SDK1: variants seen among roughly 807,000 people sequenced by gnomAD.
The protein encoded by SDK1 is sidekick cell adhesion molecule 1.
Under a neutral mutation model 245.5 loss-of-function variants are expected in SDK1, and 157 were observed. That is an observed-to-expected ratio of 0.64 (90% CI 0.56 to 0.73). The LOEUF is 0.73. Among genes scored for constraint, SDK1 ranks in the 30% least tolerant of loss-of-function variants. The pLI, the probability that SDK1 is intolerant of heterozygous loss-of-function variation, is 0.00. For missense variants in SDK1, 3,583 were observed against 3,002.3 expected (o/e 1.19, Z -4.52); for synonymous variants, 1,647 against 1,278.5 (o/e 1.29, Z -6.15).
chr7:3,341,535 T>A (rs1481374730), intron 1 of SDK1, among the ~76,000 whole-genome samples: 2 of 152,176 alleles, frequency 1.3e-5, no homozygotes, highest in African/African-American at 4.8e-5. Context: ...AGTCCCAGTT[T>A]ACGGATTACA....
rs142611741 is a variant in SDK1 at position 3,575,648 on chromosome 7, C to T, written c.299-43432C>T. Among the ~76,000 whole-genome samples, 60 of 152,028 alleles carry T rather than the reference C, an allele frequency of 3.9e-4. 1 individual carries two copies. The highest frequency in any genetic ancestry group is 1.2e-3 in the African/African-American group (48 of 41,536). ...AATTTCATTAAGAACTTCAAAGGGA[C>T]TGTCTTCATAAAGGCAATAGATGTG... On this transcript the variant is annotated intron_variant, in intron 1 of 44. Coordinates refer to ENST00000404826, the MANE Select transcript of SDK1 (RefSeq NM_152744.4).
chr7:3,325,487 T>C (rs1779918933), intron 1 of SDK1, among the ~76,000 whole-genome samples: 2 of 152,246 alleles, frequency 1.3e-5, no homozygotes, highest in South Asian at 4.2e-4. Context: ...AGCGTGGCAC[T>C]TAAGATTCTT....
intron 5 of SDK1, among the ~76,000 whole-genome samples, chr7:3,851,880 T>C (rs1280445264): frequency 6.6e-6 from 1 of 152,224 alleles, no homozygotes; most frequent in African/African-American, 2.4e-5. Context: ...AATAAAATGG[T>C]ATATTCTCAT....
chr7:3,799,639 G>C (rs1024127008), intron 4 of SDK1, among the ~76,000 whole-genome samples: 2 of 149,856 alleles, frequency 1.3e-5, no homozygotes, highest in Admixed American at 6.7e-5. Flanking sequence ...TGGGAGGCGG[G>C]GTTTGCAGTG....
At chr7:3,614,741 A>C (rs1436760270) in intron 1 of SDK1, among the ~76,000 whole-genome samples, 9 of 152,198 alleles carry the variant, frequency 5.9e-5, no homozygotes, top group Admixed American at 3.3e-4. Flanking sequence ...ATCTATGTCA[A>C]AATACGTGTC....
chr7:4,155,616 C>T (rs889797284), intron 30 of SDK1, among the ~76,000 whole-genome samples: 2 of 152,180 alleles, frequency 1.3e-5, no homozygotes, highest in Admixed American at 6.5e-5. Context: ...TAAGCATAAT[C>T]GCAAATAAAT....
chr7:3,925,237 C>T (rs888170847), intron 5 of SDK1, among the ~76,000 whole-genome samples: 2 of 151,070 alleles, frequency 1.3e-5, no homozygotes, highest in Non-Finnish European at 3.0e-5. Flanking sequence ...GGAAGAAACA[C>T]AGAGCACATC....
At chr7:4,179,552 A>G (rs1019556995) in intron 35 of SDK1, among the ~76,000 whole-genome samples, 2 of 152,102 alleles carry the variant, frequency 1.3e-5, no homozygotes, top group African/African-American at 4.8e-5. Flanking sequence ...CGGTATTTGC[A>G]TACAAATGAG....
chr7:3,894,817 C>T (rs955872805), intron 5 of SDK1, among the ~76,000 whole-genome samples: 1 of 151,562 alleles, frequency 6.6e-6, no homozygotes, highest in African/African-American at 2.4e-5. Context: ...GTACTTCAGC[C>T]TCCCGAGTAG....
At chr7:3,481,071 T>C (rs1245890013) in intron 1 of SDK1, among the ~76,000 whole-genome samples, 16 of 152,270 alleles carry the variant, frequency 1.1e-4, no homozygotes, top group Admixed American at 1.0e-3. Flanking sequence ...TTATACTTAC[T>C]ATGATTACTA....
chr7:3,713,247 A>G (rs1371440610), intron 4 of SDK1, among the ~76,000 whole-genome samples: 7 of 152,236 alleles, frequency 4.6e-5, no homozygotes, highest in African/African-American at 1.7e-4. Context: ...TAAGAAGGAT[A>G]ATGATCTTTC....
At chr7:3,890,043 A>T (rs558350993) in intron 5 of SDK1, among the ~76,000 whole-genome samples, 3 of 152,332 alleles carry the variant, frequency 2.0e-5, no homozygotes, top group East Asian at 3.9e-4. Flanking sequence ...CATTTCCTAA[A>T]TGCTCAAATC....
intron 35 of SDK1, among the ~76,000 whole-genome samples, chr7:4,188,976 G>A (rs1396765390): frequency 1.3e-5 from 2 of 152,014 alleles, no homozygotes; most frequent in East Asian, 1.9e-4. Context: ...TTCATGTTTA[G>A]GAGGGCTTGT....
At chr7:3,645,748 T>C (rs1486175175) in intron 4 of SDK1, among the ~76,000 whole-genome samples, 1 of 152,236 alleles carries the variant, frequency 6.6e-6, no homozygotes, top group African/African-American at 2.4e-5. Context: ...ACAAGTCAGA[T>C]GGCATCATAT....
At chr7:4,018,368 G>T (rs928707974) in intron 17 of SDK1, among the ~76,000 whole-genome samples, 3 of 152,138 alleles carry the variant, frequency 2.0e-5, no homozygotes, top group Non-Finnish European at 4.4e-5. Context: ...CTGGCTGTCT[G>T]TTGTCATCTG....
At chr7:3,319,432 G>C (rs1779739748) in intron 1 of SDK1, among the ~76,000 whole-genome samples, 1 of 152,164 alleles carries the variant, frequency 6.6e-6, no homozygotes. Context: ...TTCCTTATCA[G>C]TGTGTTCCCA....
At chr7:3,504,909 A>G (rs1782343341) in intron 1 of SDK1, among the ~76,000 whole-genome samples, 1 of 152,344 alleles carries the variant, frequency 6.6e-6, no homozygotes, top group South Asian at 2.1e-4. Context: ...ACTCCTAGTT[A>G]TGTACCCAAG....
At chr7:3,493,717 G>C (rs983619433) in intron 1 of SDK1, among the ~76,000 whole-genome samples, 1 of 152,198 alleles carries the variant, frequency 6.6e-6, no homozygotes, top group South Asian at 2.1e-4. Flanking sequence ...AATTATTCTT[G>C]TGTTAACTCA....
intron 1 of SDK1, among the ~76,000 whole-genome samples, chr7:3,405,048 G>A (rs540961015): frequency 2.0e-5 from 3 of 151,872 alleles, no homozygotes; most frequent in African/African-American, 7.3e-5. Context: ...TTCTGACGAT[G>A]TCCTACCTGA....
Sources: allele counts gnomAD v4.1 joint callset (sites outside exome capture counted in the v4.1 genomes callset), GRCh38; gene constraint gnomAD v4.1.1; transcripts MANE v1.5; gene names NCBI Gene and HGNC (gene_info 2026-07-23, HGNC 2026-07-21).